The following NHS variants were observed in gnomAD, a reference collection of about 807,000 sequenced individuals.
NHS encodes actin remodeling regulator NHS.
Under a neutral mutation model 72.5 loss-of-function variants are expected in NHS, and 5 were observed. That is an observed-to-expected ratio of 0.07 (90% CI 0.04 to 0.14). The LOEUF is 0.14. Ranked by LOEUF, NHS falls within the 10% of genes least tolerant of loss-of-function variation. The probability of loss-of-function intolerance (pLI) is 1.00; values close to 1 mark genes in which losing one functional copy is unlikely to be tolerated. For synonymous variants in NHS, 464 were observed against 547.7 expected (o/e 0.85, Z 2.13); for missense variants, 1,072 against 1,355.7 (o/e 0.79, Z 3.29).
intron 1 of NHS, among the ~76,000 whole-genome samples, chrX:17,452,670 G>A (rs12689758): frequency 9.0e-6 from 1 of 111,559 alleles, no homozygotes; most frequent in East Asian, 2.8e-4. Context: ...GTCTGATCTA[G>A]ATCATTTTAA....
chrX:17,493,150 T>C (rs189107854), intron 1 of NHS, among the ~76,000 whole-genome samples: 1 of 112,747 alleles, frequency 8.9e-6, no homozygotes, highest in African/African-American at 3.2e-5. Context: ...TTGTTTCACC[T>C]ATACCTTTAC....
At chrX:17,605,328 A>G (rs1360790102) in intron 1 of NHS, among the ~76,000 whole-genome samples, 2 of 112,031 alleles carry the variant, frequency 1.8e-5, no homozygotes, top group East Asian at 5.6e-4. Flanking sequence ...AGATAGATGT[A>G]TCTTATTGGA....
intron 1 of NHS, among the ~76,000 whole-genome samples, chrX:17,559,643 C>T (rs1021826381): frequency 1.3e-4 from 15 of 112,086 alleles, no homozygotes; most frequent in African/African-American, 4.9e-4. Context: ...CCAGATTCTT[C>T]ATCTCTTTGC....
At chrX:17,389,067 G>C (rs946288277) in intron 1 of NHS, among the ~76,000 whole-genome samples, 1 of 111,600 alleles carries the variant, frequency 9.0e-6, no homozygotes, top group Non-Finnish European at 1.9e-5. Flanking sequence ...CTTCTCCTAC[G>C]GTCTTGTTGA....
At chrX:17,377,144 C>T (rs907960155) in intron 1 of NHS, among the ~76,000 whole-genome samples, 3 of 111,906 alleles carry the variant, frequency 2.7e-5, no homozygotes, top group Admixed American at 9.3e-5. Flanking sequence ...TGCACTGTCG[C>T]CCAAATTTAC....
chrX:17,728,065 T>C lies in NHS; in HGVS notation c.3959T>C (p.Val1320Ala), dbSNP rs368703052. Residue 1320 changes from valine (V) to alanine (A), a missense_variant, in exon 7 of 9, where the codon GTG (valine) becomes GCG (alanine). Physicochemically the swap from Val to Ala is moderately conservative, Grantham distance 64 (BLOSUM62 0). Transcript: ENST00000676302. ...GAGGAAGTTGCACAACCTGAATCTG[T>C]GGATGTAATCACATCTCAGTCAGAC... The part of the protein sequence containing the change: ...GLEEVAQPES[V>A]DVITSQSDSP... 3.8e-5 allele frequency: 46 copies of C among 1,209,944 alleles called. No individual in the cohort carries two copies. In the African/African-American group the frequency reaches 7.2e-4, roughly 19 times the overall value.
At chrX:17,439,698 T>C (rs764190848) in intron 1 of NHS, among the ~76,000 whole-genome samples, 5 of 112,327 alleles carry the variant, frequency 4.5e-5, no homozygotes, top group African/African-American at 1.6e-4. Flanking sequence ...ACACTTCAGA[T>C]GCTTCTAGTT....
chrX:17,586,645 C>T (rs2065578081), intron 1 of NHS: 1 of 112,126 alleles, frequency 8.9e-6, no homozygotes, highest in Non-Finnish European at 1.9e-5. Flanking sequence ...TGCTTGACCC[C>T]TGGTAGGACT....
Position 17,676,701 on chromosome X carries a change from C to T in NHS, c.566-11041C>T, listed in dbSNP as rs762009155. Among the ~76,000 whole-genome samples the T allele has an allele frequency of 2.3e-3, 255 of 112,283 alleles. 2 individuals carry two copies. The highest frequency in any genetic ancestry group is 7.9e-3 in the African/African-American group (243 of 30,930). On this transcript the variant is annotated intron_variant, in intron 1 of 8. Transcript: ENST00000676302. ...AGGATTGGGTCAAGCCCCCATTTCT[C>T]CTACCCTGGTTTAAGCTCAGGCGTG...
chrX:17,517,717 G>C (rs2065128109), intron 1 of NHS, among the ~76,000 whole-genome samples: 1 of 111,945 alleles, frequency 8.9e-6, no homozygotes, highest in South Asian at 3.7e-4. Flanking sequence ...AGAAAGAAGA[G>C]GAGGATTTAG....
chrX:17,451,812 G>A (rs1048195849), intron 1 of NHS, among the ~76,000 whole-genome samples: 4 of 111,870 alleles, frequency 3.6e-5, no homozygotes, highest in Non-Finnish European at 5.6e-5. Context: ...TCAGTGAACC[G>A]AATTGCTTTA....
chrX:17,420,135 G>T (rs2146865366), intron 1 of NHS, among the ~76,000 whole-genome samples: 1 of 111,898 alleles, frequency 8.9e-6, no homozygotes, highest in African/African-American at 3.2e-5. Context: ...AATATTAACT[G>T]AGTACCGACT....
At chrX:17,596,190 G>T (rs1202978462) in intron 1 of NHS, among the ~76,000 whole-genome samples, 1 of 112,506 alleles carries the variant, frequency 8.9e-6, no homozygotes, top group African/African-American at 3.2e-5. Flanking sequence ...CCTGTATCTT[G>T]TCACTATGGA....
chrX:17,411,256 G>A (rs1200677241), intron 1 of NHS, among the ~76,000 whole-genome samples: 1 of 111,875 alleles, frequency 8.9e-6, no homozygotes, highest in East Asian at 2.8e-4. Flanking sequence ...CTAGTAATAT[G>A]GATTTCTTAC....
intron 1 of NHS, chrX:17,425,818 C>T (rs1320619445): frequency 8.9e-6 from 1 of 112,166 alleles, no homozygotes. Context: ...GTGCTCCTGC[C>T]TTGGATCAAT....
intron 1 of NHS, among the ~76,000 whole-genome samples, chrX:17,541,951 G>A (rs1013031835): frequency 1.8e-5 from 2 of 111,833 alleles, no homozygotes; most frequent in Non-Finnish European, 3.8e-5. Flanking sequence ...GCCTTGCTTA[G>A]CTCTTGCCCT....
intron 1 of NHS, among the ~76,000 whole-genome samples, chrX:17,655,862 TC>T (rs2065951701): frequency 8.9e-6 from 1 of 112,977 alleles, no homozygotes; most frequent in African/African-American, 3.2e-5. Context: ...CGCAGAGACC[TC>T]CCCAGTCGAC....
chrX:17,610,302 A>G (rs376924250), intron 1 of NHS, among the ~76,000 whole-genome samples: 2 of 112,260 alleles, frequency 1.8e-5, no homozygotes, highest in East Asian at 5.6e-4. Context: ...ACTAATATCA[A>G]ATAAATCACT....
intron 1 of NHS, among the ~76,000 whole-genome samples, chrX:17,659,529 C>G (rs2065973133): frequency 8.9e-6 from 1 of 111,864 alleles, no homozygotes; most frequent in Non-Finnish European, 1.9e-5. Context: ...GAAATCATAC[C>G]TAGATCCCCT....
Sources: allele counts gnomAD v4.1 joint callset (sites outside exome capture counted in the v4.1 genomes callset), GRCh38; gene constraint gnomAD v4.1.1; transcripts MANE v1.5; gene names NCBI Gene and HGNC (gene_info 2026-07-23, HGNC 2026-07-21).